The following DCC variants were observed in gnomAD, a reference collection of about 807,000 sequenced individuals.
DCC encodes DCC netrin 1 receptor, also known as netrin receptor DCC.
DCC carries 58 observed loss-of-function variants against 172.5 expected under a neutral mutation model. The observed-to-expected ratio is 0.34, with a 90% confidence interval of 0.27 to 0.42. The LOEUF (loss-of-function observed/expected upper bound fraction) is 0.42. DCC is among the 10% of genes least tolerant of loss of function. The probability of loss-of-function intolerance (pLI) is 1.00; values close to 1 mark genes in which losing one functional copy is unlikely to be tolerated. For synonymous variants in DCC, 709 were observed against 644.5 expected (o/e 1.10, Z -1.52); for missense variants, 1,740 against 1,791.0 (o/e 0.97, Z 0.51).
chr18:53,461,046 T>G (rs1374470141), intron 24 of DCC, among the ~76,000 whole-genome samples: 1 of 152,250 alleles, frequency 6.6e-6, no homozygotes, highest in Non-Finnish European at 1.5e-5. Context: ...GGTGAACATT[T>G]TTTCATGTGT....
intron 11 of DCC, among the ~76,000 whole-genome samples, chr18:53,212,221 AT>A (rs1568368245): frequency 6.6e-6 from 1 of 152,118 alleles, no homozygotes; most frequent in African/African-American, 2.4e-5. Context: ...ATCCTTCTCC[AT>A]ATTGAGGGAA....
chr18:52,369,956 A>G (rs1985045565), intron 1 of DCC, among the ~76,000 whole-genome samples: 1 of 152,194 alleles, frequency 6.6e-6, no homozygotes, highest in Admixed American at 6.5e-5. Context: ...CCAAACATAC[A>G]GAGCTAATTG....
At position 53,449,482 on chromosome 18, in the gene DCC, G is replaced by A. The variant is rs150357200; in HGVS notation, c.3230-1018G>A. ...TTAGGACTTTGTGGCTTTTGAACCCGGTGGCTGCTTTTAGGTGGGATTCAT... is the reference window on the plus strand; with the variant it reads ...TTAGGACTTTGTGGCTTTTGAACCCAGTGGCTGCTTTTAGGTGGGATTCAT... On this transcript the variant is annotated intron_variant, in intron 22 of 28. Transcript: ENST00000442544. 9.1e-3 allele frequency among the ~76,000 whole-genome samples: 1,380 copies of A among 152,258 alleles called. 25 individuals are homozygous for A. Among genetic ancestry groups the A allele is most frequent in the Admixed American group, 0.027 (417 of 15,290 alleles).
chr18:53,054,792 G>T (rs1301962131), intron 5 of DCC, among the ~76,000 whole-genome samples: 2 of 152,122 alleles, frequency 1.3e-5, no homozygotes, highest in African/African-American at 2.4e-5. Flanking sequence ...TGAATTTTTA[G>T]ATAGAAGTGT....
At chr18:52,391,882 C>T (rs959554673) in intron 1 of DCC, among the ~76,000 whole-genome samples, 2 of 152,158 alleles carry the variant, frequency 1.3e-5, no homozygotes, top group Non-Finnish European at 2.9e-5. Context: ...AGGCGTCTTA[C>T]AGTTGCATGG....
chr18:52,734,490 T>C (rs2036693848), intron 1 of DCC, among the ~76,000 whole-genome samples: 1 of 152,160 alleles, frequency 6.6e-6, no homozygotes, highest in African/African-American at 2.4e-5. Flanking sequence ...TTTTAAAACC[T>C]TGGCTGACTA....
chr18:53,147,536 T>C lies in DCC; in HGVS notation c.1262-9820T>C, dbSNP rs114379766. Among the ~76,000 whole-genome samples, 1,046 of 152,336 alleles carry C rather than the reference T, an allele frequency of 6.9e-3. 15 individuals are homozygous for C. The highest frequency in any genetic ancestry group is 0.024 in the African/African-American group (984 of 41,578). On this transcript the variant is annotated intron_variant, in intron 7 of 28. Transcript: ENST00000442544. The stretch of plus-strand genomic sequence containing the variant: ...TTCATTTTTATTTCCCTTTAATTTG[T>C]TTTGGTGGCTATAAAATTTAGGGAT...
chr18:53,352,180 C>T (rs1450074742), intron 15 of DCC, among the ~76,000 whole-genome samples: 1 of 151,980 alleles, frequency 6.6e-6, no homozygotes, highest in Non-Finnish European at 1.5e-5. Context: ...ATAATATAAT[C>T]CAGCTACATA....
chr18:52,558,543 A>G (rs553565041), intron 1 of DCC, among the ~76,000 whole-genome samples: 17 of 152,286 alleles, frequency 1.1e-4, no homozygotes, highest in Non-Finnish European at 2.1e-4. Flanking sequence ...GCAGGATACT[A>G]TGTTCCTCTA....
chr18:53,362,256 A>G (rs1049658511), intron 15 of DCC, among the ~76,000 whole-genome samples: 1 of 152,230 alleles, frequency 6.6e-6, no homozygotes, highest in African/African-American at 2.4e-5. Flanking sequence ...AATCAAAAGC[A>G]TGGATAAATA....
At chr18:52,342,914 G>A (rs2144222598) in intron 1 of DCC, among the ~76,000 whole-genome samples, 1 of 152,120 alleles carries the variant, frequency 6.6e-6, no homozygotes, top group South Asian at 2.1e-4. Flanking sequence ...AGAGAGTCAG[G>A]GCCATGTATT....
chr18:53,220,368 G>A (rs143447475), intron 12 of DCC, among the ~76,000 whole-genome samples: 1 of 152,144 alleles, frequency 6.6e-6, no homozygotes, highest in Non-Finnish European at 1.5e-5. Context: ...TCTAGTCAAC[G>A]TTCATTTCTC....
At chr18:52,725,965 G>A (rs1448040887) in intron 1 of DCC, among the ~76,000 whole-genome samples, 3 of 151,988 alleles carry the variant, frequency 2.0e-5, no homozygotes, top group Non-Finnish European at 4.4e-5. Flanking sequence ...TATTTATTAG[G>A]GGAAACAGAA....
chr18:53,222,144 A>G (rs1436667914), intron 12 of DCC, among the ~76,000 whole-genome samples: 1 of 152,200 alleles, frequency 6.6e-6, no homozygotes, highest in East Asian at 1.9e-4. Flanking sequence ...ATAAAGATCA[A>G]CCATGAATTA....
chr18:53,508,816 G>C (rs997747114), intron 27 of DCC, among the ~76,000 whole-genome samples: 4 of 152,192 alleles, frequency 2.6e-5, no homozygotes, highest in African/African-American at 9.7e-5. Flanking sequence ...CCTTAGTCTA[G>C]AGAAAAGAGT....
intron 7 of DCC, among the ~76,000 whole-genome samples, chr18:53,125,752 C>T (rs371146593): frequency 3.3e-5 from 5 of 152,096 alleles, no homozygotes; most frequent in African/African-American, 4.8e-5. Context: ...CACGCAGCTC[C>T]GAAGTGTACA....
At chr18:53,125,350 T>C (rs892300280) in intron 7 of DCC, among the ~76,000 whole-genome samples, 6 of 152,242 alleles carry the variant, frequency 3.9e-5, no homozygotes, top group South Asian at 4.1e-4. Context: ...ACTGTCATAA[T>C]GCTCTTTAAG....
At chr18:53,365,087 C>T (rs2057988941) in intron 15 of DCC, among the ~76,000 whole-genome samples, 1 of 151,872 alleles carries the variant, frequency 6.6e-6, no homozygotes, top group East Asian at 1.9e-4. Flanking sequence ...CCTCCCACCC[C>T]ACAACAGGCC....
intron 9 of DCC, among the ~76,000 whole-genome samples, chr18:53,186,375 G>A (rs898238479): frequency 7.9e-5 from 12 of 152,282 alleles, no homozygotes; most frequent in African/African-American, 2.9e-4. Context: ...AAACGTGAAA[G>A]CGGTTGGTTT....
Sources: allele counts gnomAD v4.1 joint callset (sites outside exome capture counted in the v4.1 genomes callset), GRCh38; gene constraint gnomAD v4.1.1; transcripts MANE v1.5; gene names NCBI Gene and HGNC (gene_info 2026-07-23, HGNC 2026-07-21).